The following HDAC4 variants were observed in gnomAD, a reference collection of about 807,000 sequenced individuals.
HDAC4 encodes the protein histone deacetylase A.
HDAC4 carries 16 observed loss-of-function variants against 135.1 expected under a neutral mutation model. The observed-to-expected ratio is 0.12, with a 90% CI of 0.08 to 0.18. The LOEUF (loss-of-function observed/expected upper bound fraction) is 0.18. HDAC4 is among the 10% of genes least tolerant of loss of function. The pLI is 1.00. For missense variants in HDAC4, 1,143 were observed against 1,511.8 expected, an observed-to-expected ratio of 0.76 and a Z score of 4.05; for synonymous variants, 685 against 653.4, an observed-to-expected ratio of 1.05 and a Z score of -0.74.
chr2:239,288,830 A>G (rs59025774), intron 2 of HDAC4, among the ~76,000 whole-genome samples: 31,298 of 152,154 alleles, frequency 0.21, 3,357 homozygotes, highest in Non-Finnish European at 0.22. Context: ...GAGAAGCCAC[A>G]CACACAAATA....
chr2:239,060,619 C>T (rs1038475280), intron 24 of HDAC4, among the ~76,000 whole-genome samples: 2 of 152,228 alleles, frequency 1.3e-5, no homozygotes, highest in African/African-American at 4.8e-5. Context: ...GGTCTGGTCA[C>T]GCCACTGCTG....
intron 14 of HDAC4, among the ~76,000 whole-genome samples, chr2:239,110,448 AAC>A (rs2038568202): frequency 6.6e-6 from 1 of 152,176 alleles, no homozygotes; most frequent in African/African-American, 2.4e-5. Context: ...TTCTTTCAAG[AAC>A]ACACTTATTG....
chr2:239,084,564 CCACA>C (rs1035366444), intron 19 of HDAC4, among the ~76,000 whole-genome samples: 2 of 151,722 alleles, frequency 1.3e-5, no homozygotes, highest in African/African-American at 4.8e-5. Context: ...TGCACACACC[CCACA>C]CAGACACACA....
intron 22 of HDAC4, among the ~76,000 whole-genome samples, chr2:239,079,215 C>T (rs1370795900): frequency 6.6e-6 from 1 of 152,220 alleles, no homozygotes; most frequent in African/African-American, 2.4e-5. Flanking sequence ...GGGGGACGTC[C>T]TTCTCTCTTA....
chr2:239,282,440 G>GCACTCTCAATGTACATAC (rs2050839150), intron 2 of HDAC4, among the ~76,000 whole-genome samples: 3 of 122,152 alleles, frequency 2.5e-5, no homozygotes, highest in Non-Finnish European at 3.3e-5. Context: ...AATGTACACA[G>GCACTCTCAATGTACATAC]CACTCTCAAT....
At chr2:239,093,917 C>G in intron 17 of HDAC4, 1 of 982,646 alleles carries the variant, frequency 1.0e-6, no homozygotes. Flanking sequence ...TAAAATAACT[C>G]TAGGAGGGCT....
Position 239,349,737 on chromosome 2 carries a change from A to C in HDAC4, c.22+2941T>G, listed in dbSNP as rs1692983778. ...CCAAGGGACCTCCGGGCGGAAGGGCAGACACGGCAGGGAAAGATGACAGCG... is the reference window on the plus strand; with the variant it reads ...CCAAGGGACCTCCGGGCGGAAGGGCCGACACGGCAGGGAAAGATGACAGCG... On this transcript the variant is annotated intron_variant, in intron 2 of 26. Transcript: ENST00000543185. This position sits in a 1 kb window ranked among gnomAD's most constrained non-coding sequence, Gnocchi z 5.7. Among the ~76,000 whole-genome samples the C allele has an allele frequency of 6.6e-6, 1 of 152,254 alleles. No individual in the cohort carries two copies. The highest frequency in any genetic ancestry group is 1.5e-5 in the Non-Finnish European group (1 of 68,044).
In HDAC4 at chr2:239,349,282, C is replaced by G. The variant is rs1692950476; in HGVS notation, c.22+3396G>C. Reference sequence around the variant, plus strand: ...GTGCAGCCAGGTAGGCCCCGAACACCACGTTGCCAGGACTCGGCTCCTCGG... The same window carrying G: ...GTGCAGCCAGGTAGGCCCCGAACACGACGTTGCCAGGACTCGGCTCCTCGG... On this transcript the variant is annotated intron_variant, in intron 2 of 26. Coordinates refer to ENST00000543185, the MANE Select transcript of HDAC4 (RefSeq NM_001378414.1). This position sits in a 1 kb window ranked among gnomAD's most constrained non-coding sequence, Gnocchi z 5.7. 6.6e-6 allele frequency among the ~76,000 whole-genome samples: 1 copy of G among 152,192 alleles called. No homozygotes were observed. The highest frequency in any genetic ancestry group is 2.4e-5 in the African/African-American group (1 of 41,452).
intron 1 of HDAC4, among the ~76,000 whole-genome samples, chr2:239,379,476 A>G (rs1695262895): frequency 6.6e-6 from 1 of 152,040 alleles, no homozygotes; most frequent in Non-Finnish European, 1.5e-5. Context: ...GCCCCAGCCC[A>G]GCCCCATCAA....
intron 14 of HDAC4, among the ~76,000 whole-genome samples, chr2:239,109,129 AG>A (rs1197249215): frequency 3.9e-5 from 6 of 152,192 alleles, no homozygotes; most frequent in African/African-American, 1.4e-4. Context: ...ACCTGGCAGG[AG>A]GGCTGCCCCG....
At chr2:239,073,235 G>A (rs529932445) in intron 22 of HDAC4, among the ~76,000 whole-genome samples, 1 of 152,202 alleles carries the variant, frequency 6.6e-6, no homozygotes, top group African/African-American at 2.4e-5. Flanking sequence ...TTTCTGAAGA[G>A]AGCCAGTCCA....
chr2:239,194,907 T>G (rs1364578914), intron 3 of HDAC4, among the ~76,000 whole-genome samples: 1 of 152,184 alleles, frequency 6.6e-6, no homozygotes, highest in East Asian at 1.9e-4. Context: ...GCAGTGCTGG[T>G]GAGAGAGGCA....
At chr2:239,065,121 G>A (rs1040868661) in intron 24 of HDAC4, among the ~76,000 whole-genome samples, 3 of 152,198 alleles carry the variant, frequency 2.0e-5, no homozygotes, top group Non-Finnish European at 4.4e-5. Flanking sequence ...GCTTTCCATC[G>A]GGGGAGGCTT....
intron 2 of HDAC4, among the ~76,000 whole-genome samples, chr2:239,334,456 G>A (rs945369947): frequency 6.6e-6 from 1 of 152,100 alleles, no homozygotes; most frequent in Non-Finnish European, 1.5e-5. Context: ...GGGAGGCGGA[G>A]GTTGCAGTGA....
At chr2:239,066,612 T>G in intron 24 of HDAC4, 110 bp downstream of exon 24, 1 of 1,427,580 alleles carries the variant, frequency 7.0e-7, no homozygotes, top group South Asian at 1.2e-5. Context: ...AGCATCCACG[T>G]GGTCAGAGAC....
chr2:239,319,084 G>A (rs1309805717), intron 2 of HDAC4, among the ~76,000 whole-genome samples: 2 of 152,156 alleles, frequency 1.3e-5, no homozygotes, highest in Non-Finnish European at 2.9e-5. Flanking sequence ...GCAACTCTCA[G>A]ACGAACAAAA....
At chr2:239,079,946 C>A (rs1376069629) in intron 22 of HDAC4, among the ~76,000 whole-genome samples, 1 of 148,492 alleles carries the variant, frequency 6.7e-6, no homozygotes, top group East Asian at 1.9e-4. Context: ...CACACCCACA[C>A]AGATGTGTGT....
rs1332379676 is a variant in HDAC4, at chr2:239,313,289, G to A, written c.22+39389C>T. 1.3e-5 allele frequency among the ~76,000 whole-genome samples: 2 copies of A among 152,176 alleles called. No individual in the cohort carries two copies. The highest frequency in any genetic ancestry group is 4.8e-5 in the African/African-American group (2 of 41,450). ...AAGCAACAAAAGTACTTAACAAAAT[G>A]CGCTGATGTAAATGTCCCTGCAGCA... is the stretch of plus-strand genomic sequence containing the variant. On this transcript the variant is annotated intron_variant, in intron 2 of 26. Coordinates refer to ENST00000543185, the MANE Select transcript of HDAC4 (RefSeq NM_001378414.1). This position sits in a 1 kb window ranked among gnomAD's most constrained non-coding sequence, Gnocchi z 5.1.
chr2:239,385,670 AC>A (rs748495451), intron 1 of HDAC4, among the ~76,000 whole-genome samples: 1 of 152,148 alleles, frequency 6.6e-6, no homozygotes, highest in African/African-American at 2.4e-5. Context: ...TACAGACGCC[AC>A]CCCAGGAGCC....
Sources: gnomAD v4.1 joint callset for allele counts (sites outside exome capture counted in the v4.1 genomes callset) on GRCh38, gnomAD v4.1.1 for gene constraint, Gnocchi (gnomAD v3.1) non-coding constraint, MANE v1.5 for transcripts, NCBI Gene and HGNC (gene_info 2026-07-23, HGNC 2026-07-21) for gene names.